The following GPC6 variants were observed in gnomAD, a reference collection of about 807,000 sequenced individuals.
The protein encoded by GPC6 is glypican 6.
GPC6 carries 14 observed loss-of-function variants against 55.2 expected under a neutral mutation model. The observed-to-expected ratio is 0.25, with a 90% CI of 0.17 to 0.40. The LOEUF is 0.40. Among genes scored for constraint, GPC6 ranks in the 10% least tolerant of loss-of-function variants. The pLI, the probability that GPC6 is intolerant of heterozygous loss-of-function variation, is 1.00. For missense variants in GPC6, 641 were observed against 708.5 expected, an observed-to-expected ratio of 0.90 and a Z score of 1.08; for synonymous variants, 278 against 259.6, an observed-to-expected ratio of 1.07 and a Z score of -0.68.
rs1259363015 is a variant in GPC6 at position 94,034,206 on chromosome 13, A to AAGGG, written c.877+6315_877+6316insGAGG. ...TGCTGAGAGAAAGAAAGAAAGAAGGAAGGAAGGAAGGAAGGAAGGAAGGAA... is the reference window on the plus strand; with the variant it reads ...TGCTGAGAGAAAGAAAGAAAGAAGGAAGGGAGGAAGGAAGGAAGGAAGGAAGGAA... On this transcript the variant is annotated intron_variant, in intron 4 of 8. Transcript: ENST00000377047. Among the ~76,000 whole-genome samples, 16 of 129,544 alleles carry AAGGG rather than the reference A, an allele frequency of 1.2e-4. 1 individual carries two copies. Among genetic ancestry groups the AAGGG allele is most frequent in the African/African-American group, 4.8e-4 (16 of 33,316 alleles). The allele number at this position is 129,544 out of a possible 152,430, so 85.0% of individuals were successfully genotyped here.
At chr13:94,363,012 C>T (rs1398573102) in intron 6 of GPC6, among the ~76,000 whole-genome samples, 2 of 152,084 alleles carry the variant, frequency 1.3e-5, no homozygotes, top group Non-Finnish European at 2.9e-5. Context: ...ACATGCATTA[C>T]GTATTTGTCC....
chr13:94,105,009 C>A lies in GPC6; in HGVS notation c.877+77115C>A, dbSNP rs186376334. Among the ~76,000 whole-genome samples, 550 of 152,152 alleles carry A rather than the reference C, an allele frequency of 3.6e-3. 4 individuals carry two copies. Among genetic ancestry groups the A allele is most frequent in the African/African-American group, 0.013 (528 of 41,524 alleles). ...ACCAAAAAAGAGCCCGCATTGCCAA[C>A]ACAATCCTAAGCAAAAAGAACAAAG... On this transcript the variant is annotated intron_variant, in intron 4 of 8. Coordinates refer to ENST00000377047, the MANE Select transcript of GPC6 (RefSeq NM_005708.5).
intron 2 of GPC6, among the ~76,000 whole-genome samples, chr13:93,626,832 G>T (rs1040147399): frequency 4.6e-5 from 7 of 151,702 alleles, no homozygotes; most frequent in African/African-American, 1.7e-4. Context: ...CTAAGACTGG[G>T]TAACTTATAA....
chr13:93,540,244 C>CT (rs1405357023), intron 1 of GPC6, among the ~76,000 whole-genome samples: 3 of 152,098 alleles, frequency 2.0e-5, no homozygotes, highest in African/African-American at 7.2e-5. Context: ...GACTACTAAG[C>CT]TTTAATAACA....
At chr13:93,748,537 T>G (rs188743589) in intron 2 of GPC6, among the ~76,000 whole-genome samples, 2 of 152,238 alleles carry the variant, frequency 1.3e-5, no homozygotes, top group African/African-American at 4.8e-5. Flanking sequence ...TTTTCTTAAG[T>G]TTTTATAAAT....
intron 1 of GPC6, among the ~76,000 whole-genome samples, chr13:93,330,294 G>A (rs758923406): frequency 2.4e-4 from 36 of 152,182 alleles, no homozygotes; most frequent in Non-Finnish European, 4.1e-4. Context: ...GGAGGCCAGG[G>A]TAGGAGGACT....
At chr13:93,661,957 T>C (rs7992580) in intron 2 of GPC6, among the ~76,000 whole-genome samples, 5,675 of 152,264 alleles carry the variant, frequency 0.037, 352 homozygotes, top group East Asian at 0.2. Context: ...AGAGTAGCCA[T>C]GACTAGTTAC....
chr13:94,042,169 C>T (rs1883563511), intron 4 of GPC6, among the ~76,000 whole-genome samples: 1 of 151,730 alleles, frequency 6.6e-6, no homozygotes, highest in African/African-American at 2.4e-5. Context: ...CCCCTTCCCT[C>T]TCTTCCTCCT....
chr13:93,394,096 C>T (rs954569126), intron 1 of GPC6, among the ~76,000 whole-genome samples: 4 of 152,166 alleles, frequency 2.6e-5, no homozygotes, highest in Non-Finnish European at 5.9e-5. Flanking sequence ...ATCGAAATTG[C>T]TCCTGCAAGG....
chr13:93,749,591 A>T (rs972476873), intron 2 of GPC6, among the ~76,000 whole-genome samples: 1 of 152,104 alleles, frequency 6.6e-6, no homozygotes, highest in African/African-American at 2.4e-5. Context: ...GTAGAGCATT[A>T]TAATAAAACT....
intron 2 of GPC6, among the ~76,000 whole-genome samples, chr13:93,547,810 TCA>T (rs2139437336): frequency 6.6e-6 from 1 of 152,254 alleles, no homozygotes; most frequent in African/African-American, 2.4e-5. Flanking sequence ...ATAATCATCA[TCA>T]TCATCAATTA....
intron 2 of GPC6, among the ~76,000 whole-genome samples, chr13:93,819,973 TC>T (rs770677087): frequency 3.5e-4 from 53 of 152,322 alleles, no homozygotes; most frequent in Admixed American, 3.0e-3. Context: ...TTGCTTCAAA[TC>T]TCCCTATATC....
chr13:93,695,446 A>G (rs935888579), intron 2 of GPC6, among the ~76,000 whole-genome samples: 3 of 151,890 alleles, frequency 2.0e-5, no homozygotes, highest in Non-Finnish European at 4.4e-5. Flanking sequence ...AGAAATATTA[A>G]ATATTATAAT....
At chr13:93,396,576 AAATAAT>A (rs148474237) in intron 1 of GPC6, among the ~76,000 whole-genome samples, 8 of 150,316 alleles carry the variant, frequency 5.3e-5, no homozygotes, top group Non-Finnish European at 4.4e-5. Flanking sequence ...TCAAAAAAGA[AAATAAT>A]AATAATAATA....
chr13:93,887,514 G>A (rs963501007), intron 3 of GPC6, among the ~76,000 whole-genome samples: 2 of 152,038 alleles, frequency 1.3e-5, no homozygotes, highest in African/African-American at 4.8e-5. Context: ...GTGTTATATG[G>A]TATTTGCATT....
At chr13:94,222,296 G>C (rs891429148) in intron 4 of GPC6, among the ~76,000 whole-genome samples, 1 of 152,072 alleles carries the variant, frequency 6.6e-6, no homozygotes, top group Non-Finnish European at 1.5e-5. Flanking sequence ...TACAAATCTA[G>C]ATCTCTAAAA....
At chr13:93,961,736 A>C (rs112775273) in intron 3 of GPC6, among the ~76,000 whole-genome samples, 2,791 of 152,300 alleles carry the variant, frequency 0.018, 96 homozygotes, top group African/African-American at 0.064. Flanking sequence ...GGAGACTTGA[A>C]AGTTTAGTTT....
chr13:94,055,289 T>C (rs1331855560), intron 4 of GPC6, among the ~76,000 whole-genome samples: 1 of 152,112 alleles, frequency 6.6e-6, no homozygotes, highest in Non-Finnish European at 1.5e-5. Context: ...ATTCTACAAT[T>C]GCAAGAATGA....
At chr13:93,610,025 T>C (rs966179543) in intron 2 of GPC6, among the ~76,000 whole-genome samples, 3 of 152,226 alleles carry the variant, frequency 2.0e-5, no homozygotes, top group Non-Finnish European at 4.4e-5. Context: ...AGCTGTTTCC[T>C]GTGACCCTGT....
Sources: gnomAD v4.1 joint callset for allele counts (sites outside exome capture counted in the v4.1 genomes callset) on GRCh38, gnomAD v4.1.1 for gene constraint, MANE v1.5 for transcripts, NCBI Gene and HGNC (gene_info 2026-07-23, HGNC 2026-07-21) for gene names.